SHISA9: variants seen among roughly 807,000 people sequenced by gnomAD.
SHISA9 encodes the protein shisa family member 9.
A neutral mutation model predicts 38.0 loss-of-function variants in SHISA9; 13 were observed. That is an observed-to-expected ratio of 0.34 (90% CI 0.22 to 0.54). SHISA9 has a LOEUF of 0.54. Among genes scored for constraint, SHISA9 ranks in the 20% least tolerant of loss-of-function variants. The pLI is 0.91. For synonymous variants in SHISA9, 275 were observed against 242.0 expected (o/e 1.14, Z -1.27); for missense variants, 538 against 575.8 (o/e 0.93, Z 0.67).
the SHISA9 span, among the ~76,000 whole-genome samples, chr16:13,353,701 T>G: frequency 6.6e-6 from 1 of 152,160 alleles, no homozygotes; most frequent in African/African-American, 2.4e-5. Context: ...AATACAGGCC[T>G]GAATTCTGAG....
chr16:13,518,527 T>C, the SHISA9 span, among the ~76,000 whole-genome samples: 1 of 152,146 alleles, frequency 6.6e-6, no homozygotes, highest in African/African-American at 2.4e-5. Flanking sequence ...CCCAGAGAGT[T>C]TGATTAAGAT....
chr16:13,525,055 G>A, the SHISA9 span, among the ~76,000 whole-genome samples: 1 of 152,204 alleles, frequency 6.6e-6, no homozygotes, highest in South Asian at 2.1e-4. Flanking sequence ...AACTTTAGTG[G>A]GCATCAAAAT....
the SHISA9 span, among the ~76,000 whole-genome samples, chr16:13,436,277 C>G: frequency 2.0e-5 from 3 of 152,216 alleles, no homozygotes; most frequent in Admixed American, 6.5e-5. Flanking sequence ...CTACCAAATC[C>G]AAGATGGCGA....
chr16:13,195,270 G>GT (rs1340018643), intron 2 of SHISA9, among the ~76,000 whole-genome samples: 4 of 152,102 alleles, frequency 2.6e-5, no homozygotes, highest in Non-Finnish European at 5.9e-5. Context: ...AAGTTAGAAA[G>GT]TTTAAAAATG....
At chr16:13,412,677 C>G in the SHISA9 span, among the ~76,000 whole-genome samples, 9 of 151,822 alleles carry the variant, frequency 5.9e-5, no homozygotes, top group African/African-American at 1.7e-4. Flanking sequence ...GCCAACATGG[C>G]AAAACCCCAT....
At chr16:13,249,723 CA>C in the SHISA9 span, among the ~76,000 whole-genome samples, 62 of 151,994 alleles carry the variant, frequency 4.1e-4, no homozygotes, top group African/African-American at 1.5e-3. Context: ...ACTTGATCTC[CA>C]CCTTTCTTTT....
intron 2 of SHISA9, among the ~76,000 whole-genome samples, chr16:12,927,416 G>A (rs555771668): frequency 1.4e-4 from 22 of 152,154 alleles, no homozygotes; most frequent in African/African-American, 5.1e-4. Flanking sequence ...TTATTTATCT[G>A]GTGACAGGGT....
chr16:13,420,236 A>C, the SHISA9 span, among the ~76,000 whole-genome samples: 1 of 74,610 alleles, frequency 1.3e-5, no homozygotes. Flanking sequence ...ACAGAGTGAG[A>C]ATCTGTTTCA....
At chr16:13,491,958 T>C in the SHISA9 span, among the ~76,000 whole-genome samples, 1 of 147,642 alleles carries the variant, frequency 6.8e-6, no homozygotes, top group Non-Finnish European at 1.5e-5. Context: ...ATAACAAGCA[T>C]GAGCCACCAT....
chr16:13,294,361 TA>T, the SHISA9 span, among the ~76,000 whole-genome samples: 1 of 152,196 alleles, frequency 6.6e-6, no homozygotes, highest in Non-Finnish European at 1.5e-5. Context: ...TAAAGTTAGT[TA>T]GGCCACCATA....
the SHISA9 span, among the ~76,000 whole-genome samples, chr16:13,305,566 C>A: frequency 6.6e-6 from 1 of 152,164 alleles, no homozygotes; most frequent in Admixed American, 6.5e-5. Context: ...CTGTTGTAAG[C>A]TGCCTGGTGG....
the SHISA9 span, among the ~76,000 whole-genome samples, chr16:13,378,165 C>T: frequency 1.3e-5 from 2 of 152,210 alleles, no homozygotes; most frequent in African/African-American, 2.4e-5. Flanking sequence ...AGAACTCAAA[C>T]TAGTTGAGGT....
At chr16:13,470,638 C>A in the SHISA9 span, among the ~76,000 whole-genome samples, 1 of 152,238 alleles carries the variant, frequency 6.6e-6, no homozygotes, top group Middle Eastern at 3.4e-3. Flanking sequence ...TGGCCCCATC[C>A]TTGGCACATG....
intron 2 of SHISA9, among the ~76,000 whole-genome samples, chr16:13,194,992 C>G (rs952928999): frequency 6.6e-6 from 1 of 152,118 alleles, no homozygotes; most frequent in African/African-American, 2.4e-5. Flanking sequence ...AGGATGACTT[C>G]ATGCTTAGGT....
the SHISA9 span, among the ~76,000 whole-genome samples, chr16:13,512,397 T>A: frequency 6.6e-6 from 1 of 152,074 alleles, no homozygotes; most frequent in Non-Finnish European, 1.5e-5. Context: ...CCCTCATAGA[T>A]AGAATCAATA....
chr16:13,470,580 C>G, the SHISA9 span, among the ~76,000 whole-genome samples: 2 of 152,068 alleles, frequency 1.3e-5, no homozygotes, highest in African/African-American at 4.8e-5. Context: ...TTCACTACCA[C>G]GAGAAGAAAA....
At position 12,931,330 on chromosome 16, in the gene SHISA9, C is replaced by T. The variant is rs142043027; in HGVS notation, c.691+14515C>T. On this transcript the variant is annotated intron_variant, in intron 2 of 4. Coordinates refer to ENST00000558583, the MANE Select transcript of SHISA9 (RefSeq NM_001145204.3). ...AGGGGGACCATGCACAGGTTTGTTACATGGGTATATTGTGTGGTGCTAAGG... is the reference window on the plus strand; with the variant it reads ...AGGGGGACCATGCACAGGTTTGTTATATGGGTATATTGTGTGGTGCTAAGG... Among the ~76,000 whole-genome samples, 113 of 152,290 alleles carry T rather than the reference C, an allele frequency of 7.4e-4. 1 individual carries two copies. The highest frequency in any genetic ancestry group is 2.6e-3 in the African/African-American group (109 of 41,582).
the SHISA9 span, among the ~76,000 whole-genome samples, chr16:13,503,408 G>T: frequency 6.6e-6 from 1 of 152,170 alleles, no homozygotes; most frequent in Non-Finnish European, 1.5e-5. Flanking sequence ...ATGATTCTAT[G>T]AATTGCTTAG....
At chr16:13,473,210 T>A in the SHISA9 span, among the ~76,000 whole-genome samples, 2 of 152,250 alleles carry the variant, frequency 1.3e-5, no homozygotes, top group African/African-American at 4.8e-5. Flanking sequence ...AGAACAGTGC[T>A]CAGTCTTGGG....
Sources: allele counts gnomAD v4.1 joint callset (sites outside exome capture counted in the v4.1 genomes callset), GRCh38; gene constraint gnomAD v4.1.1; transcripts MANE v1.5; gene names NCBI Gene and HGNC (gene_info 2026-07-23, HGNC 2026-07-21).